Variants in NUF2 observed in about 807,000 individuals in gnomAD.
The protein encoded by NUF2 is kinetochore protein Nuf2.
A neutral mutation model predicts 61.8 loss-of-function variants in NUF2; 34 were observed. The observed-to-expected ratio is 0.55, with a 90% confidence interval of 0.42 to 0.73. The LOEUF is 0.73. Ranked by LOEUF, NUF2 falls within the 30% of genes least tolerant of loss-of-function variation. The probability of loss-of-function intolerance (pLI) is 0.00; values close to 1 mark genes in which losing one functional copy is unlikely to be tolerated. For missense variants in NUF2, 445 were observed against 539.1 expected (o/e 0.83, Z 1.73); for synonymous variants, 172 against 181.6 (o/e 0.95, Z 0.42).
chr1:163,338,186 T>G (rs986153967), intron 7 of NUF2, 93 bp downstream of exon 7: 1 of 820,400 alleles, frequency 1.2e-6, no homozygotes, highest in Non-Finnish European at 2.0e-6. Flanking sequence ...CCACCTTAAG[T>G]CTCTTTTATC....
intron 5 of NUF2, among the ~76,000 whole-genome samples, chr1:163,332,691 G>T (rs567563359): frequency 6.6e-6 from 1 of 152,132 alleles, no homozygotes; most frequent in African/African-American, 2.4e-5. Flanking sequence ...TGATCACATT[G>T]CTTTCTATTT....
At chr1:163,354,824 T>C (rs1380081359) in intron 13 of NUF2, among the ~76,000 whole-genome samples, 1 of 152,100 alleles carries the variant, frequency 6.6e-6, no homozygotes, top group Non-Finnish European at 1.5e-5. Context: ...AAAATTGTTG[T>C]TTTATTTTTT....
chr1:163,336,219 C>T (rs1650751967), intron 5 of NUF2, among the ~76,000 whole-genome samples: 1 of 152,178 alleles, frequency 6.6e-6, no homozygotes, highest in South Asian at 2.1e-4. Flanking sequence ...ATTTCCAGAA[C>T]TCTTTCTCTT....
chr1:163,344,707 A>T (rs539461512), intron 10 of NUF2, among the ~76,000 whole-genome samples: 1 of 126,122 alleles, frequency 7.9e-6, no homozygotes, highest in East Asian at 2.2e-4. Context: ...TTTAAAAAAC[A>T]TATGTGGTTT....
intron 5 of NUF2, among the ~76,000 whole-genome samples, chr1:163,332,453 C>G (rs1650627634): frequency 6.6e-6 from 1 of 152,122 alleles, no homozygotes; most frequent in Non-Finnish European, 1.5e-5. Flanking sequence ...AACTTGGTGA[C>G]TTAAGATAAC....
intron 13 of NUF2, among the ~76,000 whole-genome samples, chr1:163,351,622 C>T (rs1198099182): frequency 6.6e-6 from 1 of 152,140 alleles, no homozygotes; most frequent in Non-Finnish European, 1.5e-5. Flanking sequence ...AACTATTGAT[C>T]AAAACTTTGG....
At position 163,348,487 on chromosome 1, in the gene NUF2, G is replaced by A. The variant is rs151260479; in HGVS notation, c.1125-458G>A. 2.6e-3 allele frequency among the ~76,000 whole-genome samples: 401 copies of A among 152,170 alleles called. 4 individuals are homozygous for A. Among genetic ancestry groups the A allele is most frequent in the African/African-American group, 8.2e-3 (339 of 41,500 alleles). ...CTCATTCCTTCAGTTACTAAAAGGT[G>A]CGTCAGAGATCATCTGAGTATTTCC... is the stretch of plus-strand genomic sequence containing the variant. On this transcript the variant is annotated intron_variant, in intron 12 of 13. Coordinates refer to ENST00000271452, the MANE Select transcript of NUF2 (RefSeq NM_145697.3).
At chr1:163,348,262 G>A (rs775368343) in intron 12 of NUF2, among the ~76,000 whole-genome samples, 8 of 152,038 alleles carry the variant, frequency 5.3e-5, no homozygotes, top group Non-Finnish European at 1.0e-4. Context: ...TTAACTAAAT[G>A]GCCTATCTTA....
At chr1:163,347,963 T>C (rs758990276) in intron 12 of NUF2, 25 bp downstream of exon 12, 1 of 1,420,058 alleles carries the variant, frequency 7.0e-7, no homozygotes, top group Non-Finnish European at 9.3e-7. Flanking sequence ...TCAATTTTAG[T>C]GTATTAGAAA....
In NUF2 at chr1:163,345,801, GC is replaced by G; in HGVS notation, c.933del (p.Ser312ValfsTer3). On this transcript the variant is annotated frameshift_variant, in exon 11 of 14. Transcript: ENST00000271452. LOFTEE classifies it high-confidence loss of function. ...QDLSDNREKLASILKESLNLE... is the reference protein window; with the variant it reads ...QDLSDNREKLXSILKESLNLE... Reference sequence around the variant, plus strand: ...CCTTTCAGATAATAGGGAAAAATTAGCCAGTATCTTAAAGGAGGTTTGTATT... The same window carrying G: ...CCTTTCAGATAATAGGGAAAAATTAGCAGTATCTTAAAGGAGGTTTGTATT... The G allele has an allele frequency of 6.2e-7, 1 of 1,604,386 alleles. No individual in the cohort carries two copies. The highest frequency in any genetic ancestry group is 8.5e-7 in the Non-Finnish European group (1 of 1,173,136).
intron 1 of NUF2, among the ~76,000 whole-genome samples, 154 bp downstream of exon 1, chr1:163,322,366 T>C (rs1378546773): frequency 6.6e-6 from 1 of 152,258 alleles, no homozygotes; most frequent in Non-Finnish European, 1.5e-5. Context: ...CATACATTTA[T>C]GTGTGATTTT....
chr1:163,326,320 T>A (rs1445928215), intron 2 of NUF2, 146 bp downstream of exon 2: 1 of 627,174 alleles, frequency 1.6e-6, no homozygotes, highest in African/African-American at 1.8e-5. Context: ...TCACCTAGCA[T>A]AATTTAAAAA....
intron 1 of NUF2, 111 bp from the exon 2 acceptor site, chr1:163,325,921 C>A: frequency 1.5e-6 from 1 of 658,228 alleles, no homozygotes; most frequent in Non-Finnish European, 2.6e-6. Context: ...TGATAGTTAA[C>A]ACTACTATGA....
At chr1:163,336,580 C>T (rs2055747) in intron 5 of NUF2, among the ~76,000 whole-genome samples, 171 bp from the exon 6 acceptor site, 2 of 151,808 alleles carry the variant, frequency 1.3e-5, no homozygotes, top group East Asian at 3.9e-4. Context: ...GTTATTAATA[C>T]AAAGATAATT....
intron 1 of NUF2, among the ~76,000 whole-genome samples, chr1:163,324,466 A>G (rs557509373): frequency 1.3e-5 from 2 of 152,176 alleles, no homozygotes; most frequent in African/African-American, 4.8e-5. Context: ...TCCATTTATT[A>G]GAGGTTAGGC....
chr1:163,331,247 A>T (rs1650590326), intron 5 of NUF2, among the ~76,000 whole-genome samples: 1 of 151,822 alleles, frequency 6.6e-6, no homozygotes, highest in Non-Finnish European at 1.5e-5. Context: ...AAGGGTATTA[A>T]ATGCCTTTTC....
chr1:163,352,265 C>T (rs547207281), intron 13 of NUF2, among the ~76,000 whole-genome samples: 17 of 152,280 alleles, frequency 1.1e-4, no homozygotes, highest in African/African-American at 3.1e-4. Flanking sequence ...TATTATTATA[C>T]GTCTGTCACA....
intron 10 of NUF2, among the ~76,000 whole-genome samples, chr1:163,345,209 G>A (rs1018868567): frequency 6.6e-6 from 1 of 152,088 alleles, no homozygotes; most frequent in Non-Finnish European, 1.5e-5. Flanking sequence ...AGGAATCTTT[G>A]TATTGTTACC....
chr1:163,339,272 G>GAAAAAAAAAAAAA, intron 7 of NUF2, 109 bp from the exon 8 acceptor site: 1 of 665,514 alleles, frequency 1.5e-6, no homozygotes, highest in East Asian at 2.7e-5. Context: ...GTGTAATTCA[G>GAAAAAAAAAAAAA]AAACATAAAA....
Sources: allele counts gnomAD v4.1 joint callset (sites outside exome capture counted in the v4.1 genomes callset), GRCh38; gene constraint gnomAD v4.1.1; transcripts MANE v1.5; gene names NCBI Gene and HGNC (gene_info 2026-07-23, HGNC 2026-07-21).